Variants in C11orf65 observed in about 807,000 individuals in gnomAD.
The protein encoded by C11orf65 is protein MFI.
A neutral mutation model predicts 35.3 loss-of-function variants in C11orf65; 38 were observed. That is an observed-to-expected ratio of 1.08 (90% CI 0.83 to 1.41). C11orf65 has a LOEUF of 1.41. Ranked by LOEUF, C11orf65 falls within the 40% of genes most tolerant of loss-of-function variation. The probability of loss-of-function intolerance (pLI) is 0.00; values close to 1 mark genes in which losing one functional copy is unlikely to be tolerated. For synonymous variants in C11orf65, 105 were observed against 114.4 expected (o/e 0.92, Z 0.53); for missense variants, 370 against 367.1 (o/e 1.01, Z -0.06).
intron 3 of C11orf65, among the ~76,000 whole-genome samples, chr11:108,428,632 A>AG (rs2092942418): frequency 6.6e-6 from 1 of 152,178 alleles, no homozygotes; most frequent in Admixed American, 6.5e-5. Flanking sequence ...GGACACAGGG[A>AG]GGGGAACATC....
chr11:108,421,356 A>G (rs2013660), intron 3 of C11orf65, among the ~76,000 whole-genome samples: 151,963 of 152,326 alleles, frequency 1, 75,800 homozygotes, highest in Middle Eastern at 1. Context: ...CTGCCAGACA[A>G]ATCAAAATAC....
chr11:108,392,566 A>C (rs1349823670), intron 7 of C11orf65, among the ~76,000 whole-genome samples: 1 of 152,142 alleles, frequency 6.6e-6, no homozygotes, highest in Non-Finnish European at 1.5e-5. Context: ...CTCTATGTTT[A>C]ACCACTTGAG....
At chr11:108,379,823 T>C (rs192274589), downstream of C11orf65, among the ~76,000 whole-genome samples, 2 of 152,138 alleles carry the variant, frequency 1.3e-5, no homozygotes, top group African/African-American at 4.8e-5. Flanking sequence ...AAGCAGGACT[T>C]GGTGATAAAT....
intron 3 of C11orf65, among the ~76,000 whole-genome samples, chr11:108,424,007 A>T (rs2092861661): frequency 6.6e-6 from 1 of 152,196 alleles, no homozygotes. Flanking sequence ...TTCTCCTTCA[A>T]AGTATCACAA....
intron 6 of C11orf65, among the ~76,000 whole-genome samples, chr11:108,398,912 A>G (rs2092379314): frequency 6.6e-6 from 1 of 152,236 alleles, no homozygotes; most frequent in Admixed American, 6.5e-5. Context: ...TGTGAGGACA[A>G]ATGGATGCCT....
At chr11:108,450,079 T>C (rs1270872727) in intron 2 of C11orf65, among the ~76,000 whole-genome samples, 1 of 151,966 alleles carries the variant, frequency 6.6e-6, no homozygotes, top group Admixed American at 6.6e-5. Flanking sequence ...AAAACCACAA[T>C]GAGATACCAT....
intron 1 of C11orf65, among the ~76,000 whole-genome samples, chr11:108,466,487 T>C (rs2093540033): frequency 6.6e-6 from 1 of 152,088 alleles, no homozygotes; most frequent in African/African-American, 2.4e-5. Flanking sequence ...GGCAGGAGAA[T>C]AACTTGAACC....
intron 3 of C11orf65, among the ~76,000 whole-genome samples, chr11:108,407,931 C>CAAA (rs1215650401): frequency 1.1e-3 from 24 of 22,470 alleles, no homozygotes; most frequent in Non-Finnish European, 1.5e-3. Flanking sequence ...GACTCTGTCT[C>CAAA]AAAAAAAAAA....
chr11:108,310,387 A>T, intron 6 of C11orf65: 1 of 1,427,072 alleles, frequency 7.0e-7, no homozygotes, highest in African/African-American at 1.4e-5. Context: ...TATAGTAAAG[A>T]TTTATTTTGC....
intron 8 of C11orf65, among the ~76,000 whole-genome samples, chr11:108,384,008 G>C (rs955046021): frequency 6.6e-6 from 1 of 151,850 alleles, no homozygotes; most frequent in Non-Finnish European, 1.5e-5. Context: ...GACTACAGGT[G>C]TATGCCACCA....
In C11orf65 at chr11:108,406,790, G is replaced by C; in HGVS notation, c.402C>G (p.Asn134Lys). ...DHSGWYHRIE[N>K]NGWRPVSDTF... The stretch of plus-strand genomic sequence containing the variant: ...TATCAGAAACTGGCCTCCAGCCATT[G>C]TTTTCTATACGATGATACCAGCCAC... Residue 134 changes from asparagine to lysine, a missense_variant, in exon 5 of 9, where the codon AAC (asparagine) becomes AAG (lysine). Coordinates refer to ENST00000393084, the MANE Select transcript of C11orf65 (RefSeq NM_152587.5). 6.2e-7 allele frequency: 1 copy of C among 1,606,966 alleles called. No individual in the cohort carries two copies. The highest frequency in any genetic ancestry group is 8.5e-7 in the Non-Finnish European group (1 of 1,175,904).
chr11:108,332,359 G>A (rs2086353956), intron 3 of C11orf65, among the ~76,000 whole-genome samples: 1 of 152,122 alleles, frequency 6.6e-6, no homozygotes. Context: ...TTGAACTCGG[G>A]AGGCGGAGGT....
At chr11:108,357,523 C>T (rs1308812356) in intron 2 of C11orf65, among the ~76,000 whole-genome samples, 1 of 152,202 alleles carries the variant, frequency 6.6e-6, no homozygotes, top group Non-Finnish European at 1.5e-5. Flanking sequence ...CAGCAGTAAC[C>T]TCTGCAGACT....
At chr11:108,416,428 T>C (rs1182113394) in intron 3 of C11orf65, among the ~76,000 whole-genome samples, 1 of 152,124 alleles carries the variant, frequency 6.6e-6, no homozygotes, top group Admixed American at 6.5e-5. Flanking sequence ...AAGCCTGCAA[T>C]CACAACACTT....
At chr11:108,446,982 C>T (rs554247332) in intron 2 of C11orf65, among the ~76,000 whole-genome samples, 3 of 152,094 alleles carry the variant, frequency 2.0e-5, no homozygotes, top group Non-Finnish European at 4.4e-5. Flanking sequence ...GGGTTGCAAT[C>T]CTAGTCTCTG....
chr11:108,431,612 CT>C (rs2092991034), intron 3 of C11orf65, 133 bp downstream of exon 3: 2 of 434,864 alleles, frequency 4.6e-6, no homozygotes, highest in East Asian at 7.1e-5. Context: ...GTTTTATGAA[CT>C]TTCAACATAT....
Position 108,393,377 on chromosome 11 carries a change from A to G in C11orf65, c.562T>C (p.Tyr188His). 5.6e-6 allele frequency: 9 copies of G among 1,612,814 alleles called. No homozygotes were observed. Among genetic ancestry groups the G allele is most frequent in the Non-Finnish European group, 7.6e-6 (9 of 1,178,980 alleles). ...LRKIEWMRQM[Y>H]YSGSLEAKST... ...TTAGCCTCCAGACTTCCTGAGTAGT[A>G]CCTAAATAGGCAAAAGGGAAAGAGA... The change falls in exon 7 of 9, where the codon TAC becomes CAC. Residue 188 changes from tyrosine to histidine, a missense_variant and splice_region_variant. By Grantham distance (83) the Tyr-to-His change is moderately conservative. Coordinates refer to ENST00000393084, the MANE Select transcript of C11orf65 (RefSeq NM_152587.5).
rs543869556 is a variant in C11orf65, at chr11:108,346,792, G to C, written c.227-11500C>G. 3.9e-5 allele frequency among the ~76,000 whole-genome samples: 6 copies of C among 152,088 alleles called. No individual in the cohort carries two copies. In the East Asian group the frequency reaches 7.7e-4, roughly 20 times the overall value. Reference sequence around the variant, plus strand: ...CATCTGTCTTAAATACAGAAATGCAGTTTTTTGGGGGGATACACACCTGGT... The same window carrying C: ...CATCTGTCTTAAATACAGAAATGCACTTTTTTGGGGGGATACACACCTGGT... On this transcript the variant is annotated intron_variant, in intron 2 of 3. Coordinates refer to the C11orf65 transcript ENST00000524755.
At chr11:108,326,017 G>A (rs766790269) in intron 6 of C11orf65, 1 of 1,597,106 alleles carries the variant, frequency 6.3e-7, no homozygotes, top group Non-Finnish European at 8.6e-7. Context: ...AGTAGTATCA[G>A]TAGTAAAAGT....
Sources: allele counts gnomAD v4.1 joint callset (sites outside exome capture counted in the v4.1 genomes callset), GRCh38; gene constraint gnomAD v4.1.1; transcripts MANE v1.5; gene names NCBI Gene and HGNC (gene_info 2026-07-23, HGNC 2026-07-21).